Variants in RPF2 observed in about 807,000 individuals in gnomAD.
RPF2 encodes the protein ribosome production factor 2 homolog, also known as brix domain containing 1.
In RPF2, 21 loss-of-function variants were observed where a neutral mutation model predicts 38.9. That is an observed-to-expected ratio of 0.54 (90% CI 0.38 to 0.78). The LOEUF is 0.78. Among genes scored for constraint, RPF2 ranks in the 30% least tolerant of loss-of-function variants. The pLI is 0.00. For missense variants in RPF2, 314 were observed against 358.1 expected (o/e 0.88, Z 0.99); for synonymous variants, 121 against 126.2 (o/e 0.96, Z 0.28).
chr6:111,015,872 C>G lies in RPF2; in HGVS notation c.596+16C>G, dbSNP rs374083143. On this transcript the variant is annotated intron_variant, in intron 8 of 9. Transcript: ENST00000441448. ...GAAGCTATAAGTAAGTGCATTTCTTCACATATTTTCTTAATCCTCAGGGTT... is the reference window on the plus strand; with the variant it reads ...GAAGCTATAAGTAAGTGCATTTCTTGACATATTTTCTTAATCCTCAGGGTT... 21 of 1,535,156 alleles carry G rather than the reference C, an allele frequency of 1.4e-5. No individual in the cohort carries two copies. The African/African-American group carries it at 2.9e-4, about 21-fold the overall frequency.
rs144401453 is a variant in RPF2, at chr6:110,992,695, C to G, written c.234+909C>G. 7.0e-3 allele frequency among the ~76,000 whole-genome samples: 1,061 copies of G among 152,158 alleles called. 49 individuals are homozygous for G. The highest frequency in any genetic ancestry group is 0.065 in the Admixed American group (999 of 15,264). The stretch of plus-strand genomic sequence containing the variant: ...AGTCAACCAAAACTAAATGAAAAAA[C>G]TGGTTAGTGAAATCAAAGATTGTTT... On this transcript the variant is annotated intron_variant, in intron 4 of 9. Transcript: ENST00000441448.
chr6:111,017,047 G>A (rs1772128230), intron 8 of RPF2, among the ~76,000 whole-genome samples: 1 of 152,212 alleles, frequency 6.6e-6, no homozygotes, highest in Admixed American at 6.5e-5. Context: ...ATTTTTCTTA[G>A]TATAGAACAA....
chr6:111,016,719 T>G (rs1433160441), intron 8 of RPF2, among the ~76,000 whole-genome samples: 1 of 137,512 alleles, frequency 7.3e-6, no homozygotes, highest in Non-Finnish European at 1.5e-5. Flanking sequence ...CATTCTTGGG[T>G]GTTTCTCGCA....
intron 4 of RPF2, among the ~76,000 whole-genome samples, chr6:110,994,793 C>G (rs561492518): frequency 6.7e-6 from 1 of 148,178 alleles, no homozygotes; most frequent in African/African-American, 2.6e-5. Context: ...ATATAAAACA[C>G]TCAAGTATAT....
chr6:111,025,031 T>C (rs1772299128), intron 9 of RPF2, among the ~76,000 whole-genome samples: 1 of 152,208 alleles, frequency 6.6e-6, no homozygotes, highest in Non-Finnish European at 1.5e-5. Flanking sequence ...ATCTCTAAAA[T>C]GCCAATAGAA....
intron 8 of RPF2, among the ~76,000 whole-genome samples, chr6:111,021,022 A>G (rs780892621): frequency 9.2e-5 from 14 of 152,018 alleles, no homozygotes; most frequent in Non-Finnish European, 1.6e-4. Flanking sequence ...ACAAAAAATT[A>G]GCTGGACATG....
chr6:110,990,490 A>G (rs1771599523), intron 3 of RPF2, among the ~76,000 whole-genome samples: 1 of 147,052 alleles, frequency 6.8e-6, no homozygotes, highest in African/African-American at 2.5e-5. Flanking sequence ...CTTTCCTCAT[A>G]TATTCTTCTG....
At chr6:111,022,246 G>C (rs1444911909) in intron 8 of RPF2, among the ~76,000 whole-genome samples, 1 of 152,218 alleles carries the variant, frequency 6.6e-6, no homozygotes, top group Non-Finnish European at 1.5e-5. Flanking sequence ...CCAGAGAAGT[G>C]TATGAGAGGG....
chr6:111,019,456 T>A (rs6917329), intron 8 of RPF2, among the ~76,000 whole-genome samples: 24,645 of 151,290 alleles, frequency 0.16, 2,516 homozygotes, highest in East Asian at 0.53. Flanking sequence ...AAAACAAAAT[T>A]AAACTTATGT....
Position 111,022,985 on chromosome 6 carries a change from G to A in RPF2, c.597-1198G>A, listed in dbSNP as rs982235360. 9.8e-5 allele frequency among the ~76,000 whole-genome samples: 15 copies of A among 152,318 alleles called. No individual in the cohort carries two copies. In the East Asian group the frequency reaches 2.7e-3, roughly 27 times the overall value. On this transcript the variant is annotated intron_variant, in intron 8 of 9. Coordinates refer to ENST00000441448, the MANE Select transcript of RPF2 (RefSeq NM_032194.3). ...GCGATCTCGGCTCACTGCAACCTCC[G>A]CCTCCTGGGTTTAAGCGATTCTCCT...
chr6:110,993,853 T>C (rs1771662128), intron 4 of RPF2, among the ~76,000 whole-genome samples: 1 of 152,086 alleles, frequency 6.6e-6, no homozygotes, highest in Non-Finnish European at 1.5e-5. Context: ...TCTCCACACA[T>C]TTTTTTTACT....
chr6:111,012,191 A>G (rs1323081351), intron 7 of RPF2, among the ~76,000 whole-genome samples: 1 of 135,904 alleles, frequency 7.4e-6, no homozygotes, highest in African/African-American at 2.7e-5. Flanking sequence ...TTTTTGAGAC[A>G]GGGTCTCACT....
In RPF2 at chr6:110,985,158, C is replaced by G. The variant is rs774623996; in HGVS notation, c.156+20C>G. 6 of 1,586,064 alleles carry G rather than the reference C, an allele frequency of 3.8e-6. No homozygotes were observed. The Admixed American group carries it at 7.1e-5, about 19-fold the overall frequency. On this transcript the variant is annotated intron_variant, in intron 2 of 9. Transcript: ENST00000441448. ...GATGTGGTAAGTATATATACTTAAT[C>G]TTTAAAAGGTATTGAAGTCATTTTA...
At chr6:111,003,693 A>ATGTGC (rs1339261302) in intron 6 of RPF2, among the ~76,000 whole-genome samples, 2 of 152,086 alleles carry the variant, frequency 1.3e-5, no homozygotes, top group African/African-American at 4.8e-5. Context: ...GCTTGGTGGC[A>ATGTGC]TGTGCCTGTA....
At chr6:111,022,907 G>A (rs111239140) in intron 8 of RPF2, among the ~76,000 whole-genome samples, 1,663 of 152,154 alleles carry the variant, frequency 0.011, 27 homozygotes, top group African/African-American at 0.039. Flanking sequence ...TTTTTTGTTT[G>A]TTTGTTTTTG....
intron 4 of RPF2, among the ~76,000 whole-genome samples, chr6:110,994,727 G>GTATA (rs147149680): frequency 3.7e-5 from 4 of 107,362 alleles, no homozygotes; most frequent in African/African-American, 1.4e-4. Context: ...AATGGGATGA[G>GTATA]TATATATACA....
chr6:110,999,881 A>G (rs1771784606), intron 6 of RPF2, 94 bp downstream of exon 6: 1 of 664,774 alleles, frequency 1.5e-6, no homozygotes, highest in Non-Finnish European at 2.7e-6. Flanking sequence ...AGTTTTGTAG[A>G]TCAAGAACTT....
intron 7 of RPF2, among the ~76,000 whole-genome samples, chr6:111,008,898 CTTTTT>C (rs57167034): frequency 8.3e-6 from 1 of 120,418 alleles, no homozygotes; most frequent in Non-Finnish European, 1.7e-5. Context: ...TTCCTGGCTC[CTTTTT>C]TTTTTTTTTT....
At chr6:110,996,007 A>G (rs2114307430) in intron 4 of RPF2, among the ~76,000 whole-genome samples, 1 of 152,094 alleles carries the variant, frequency 6.6e-6, no homozygotes, top group African/African-American at 2.4e-5. Flanking sequence ...TCTTAGAGAC[A>G]GGGTTTCACT....
Sources: gnomAD v4.1 joint callset for allele counts (sites outside exome capture counted in the v4.1 genomes callset) on GRCh38, gnomAD v4.1.1 for gene constraint, MANE v1.5 for transcripts, NCBI Gene and HGNC (gene_info 2026-07-23, HGNC 2026-07-21) for gene names.